Variants in FLYWCH1 observed in about 807,000 individuals in gnomAD.
The protein encoded by FLYWCH1 is FLYWCH-type zinc finger 1.
FLYWCH1 carries 75 observed loss-of-function variants against 66.4 expected under a neutral mutation model. That is an observed-to-expected ratio of 1.13 (90% CI 0.94 to 1.37). The LOEUF (loss-of-function observed/expected upper bound fraction) is 1.37, where lower values mean the gene tolerates loss of function less well. Ranked by LOEUF, FLYWCH1 falls within the 40% of genes most tolerant of loss-of-function variation. The probability of loss-of-function intolerance (pLI) is 0.00; values close to 1 mark genes in which losing one functional copy is unlikely to be tolerated. For synonymous variants in FLYWCH1, 595 were observed against 429.9 expected (o/e 1.38, Z -4.75); for missense variants, 1,334 against 1,001.8 (o/e 1.33, Z -4.48).
chr16:2,932,938 C>T (rs1330542886), intron 4 of FLYWCH1, among the ~76,000 whole-genome samples, 192 bp from the exon 5 acceptor site: 1 of 151,834 alleles, frequency 6.6e-6, no homozygotes, highest in Non-Finnish European at 1.5e-5. Flanking sequence ...TGAGACTCTC[C>T]TCCGGGTCGC....
At chr16:2,936,938 CGGACCCCAGCAGCTG>C (rs1338295095) in intron 6 of FLYWCH1, 168 bp from the exon 7 acceptor site, 1 of 800,078 alleles carries the variant, frequency 1.2e-6, no homozygotes, top group South Asian at 1.7e-5. Flanking sequence ...CCTCAGGAGG[CGGACCCCAGCAGCTG>C]GAGCCCCAGC....
In FLYWCH1 at chr16:2,938,372, C is replaced by A; in HGVS notation, c.1966C>A (p.His656Asn). ...QGHRIMVMRS[H>N]CHQPDLAGLE... ...CCACCGCATCATGGTCATGCGCAGC[C>A]ACTGCCATCAGCCTGACCTGGCAGG... The change falls in exon 8 of 10, where the codon CAC becomes AAC. Residue 656 changes from histidine (H) to asparagine (N), a missense_variant. By Grantham distance (68) the His-to-Asn change is moderately conservative. Transcript: ENST00000253928. The A allele has an allele frequency of 1.3e-6, 2 of 1,584,378 alleles. No individual in the cohort carries two copies. The highest frequency in any genetic ancestry group is 1.7e-6 in the Non-Finnish European group (2 of 1,163,870).
chr16:2,939,833 G>A (rs2071185963), intron 8 of FLYWCH1, 199 bp from the exon 9 acceptor site: 1 of 491,826 alleles, frequency 2.0e-6, no homozygotes, highest in Non-Finnish European at 3.5e-6. Context: ...GACAGCAGCT[G>A]AAGGTCAACT....
At chr16:2,942,749 C>T (rs1242869110) in intron 9 of FLYWCH1, among the ~76,000 whole-genome samples, 30 of 68,172 alleles carry the variant, frequency 4.4e-4, no homozygotes, top group East Asian at 4.2e-4. Context: ...TTTTTTGAGA[C>T]GGAGTCTCAC....
intron 4 of FLYWCH1, 78 bp from the exon 5 acceptor site, chr16:2,933,052 C>T (rs1000623650): frequency 1.2e-5 from 16 of 1,288,664 alleles, no homozygotes; most frequent in South Asian, 1.4e-5. Flanking sequence ...TCGTGTCAGC[C>T]CCCACAGTCT....
At chr16:2,929,299 C>T (rs191206859) in intron 2 of FLYWCH1, among the ~76,000 whole-genome samples, 86 of 152,244 alleles carry the variant, frequency 5.6e-4, no homozygotes, top group Admixed American at 1.4e-3. Flanking sequence ...ACTGGAAACG[C>T]GGGTGGAAAC....
chr16:2,935,676 C>G (rs910343953), intron 6 of FLYWCH1: 1 of 152,238 alleles, frequency 6.6e-6, no homozygotes, highest in South Asian at 2.1e-4. Context: ...AGAGCCTGCC[C>G]TTGAACGTCC....
chr16:2,949,435 C>T lies in FLYWCH1; in HGVS notation c.*708C>T, dbSNP rs563670063. 696 of 152,522 alleles carry T rather than the reference C, an allele frequency of 4.6e-3. 4 individuals are homozygous for T. Among genetic ancestry groups the T allele is most frequent in the Non-Finnish European group, 4.4e-3 (298 of 68,208 alleles). The allele number at this position is 152,522 out of a possible 1,614,324, so 9.4% of individuals were successfully genotyped here. A position where few individuals can be genotyped will look rare whatever the true frequency, so the allele number is the denominator to read the frequency against. ...GAGCCAGTCCAGGGGTCAGCAGGAGCCAGCGCTGGGCACACGTGCCCTGGC... is the reference window on the plus strand; with the variant it reads ...GAGCCAGTCCAGGGGTCAGCAGGAGTCAGCGCTGGGCACACGTGCCCTGGC... On this transcript the variant is annotated 3_prime_UTR_variant, in exon 10 of 10. Coordinates refer to ENST00000253928, the MANE Select transcript of FLYWCH1 (RefSeq NM_001308068.2).
chr16:2,921,970 G>A (rs1567323315), intron 2 of FLYWCH1, among the ~76,000 whole-genome samples: 1 of 152,170 alleles, frequency 6.6e-6, no homozygotes, highest in East Asian at 1.9e-4. Flanking sequence ...GGCTGAGGCG[G>A]GAGAATCACT....
Position 2,938,231 on chromosome 16 carries a change from T to A in FLYWCH1, c.1825T>A (p.Phe609Ile). Residue 609 changes from phenylalanine to isoleucine, a missense_variant, in exon 8 of 10, where the codon TTC becomes ATC. Transcript: ENST00000253928. ...CCTGAGGACTTCCCTGGGGGGCAGG[T>A]TCCTGGTGCACGAGTCCTTCCTCTA... ...EFLRTSLGGR[F>I]LVHESFLYRK... 1 of 1,613,076 alleles carries A rather than the reference T, an allele frequency of 6.2e-7. No homozygotes were observed. The highest frequency in any genetic ancestry group is 1.1e-5 in the South Asian group (1 of 91,008).
intron 7 of FLYWCH1, 51 bp from the exon 8 acceptor site, chr16:2,938,133 C>T (rs1014868781): frequency 5.7e-6 from 9 of 1,570,648 alleles, no homozygotes; most frequent in African/African-American, 1.4e-5. Flanking sequence ...ACCCCCAGCC[C>T]TGCCACCCAG....
chr16:2,941,995 CAAAAAAAAAAAAAA>C (rs748281347), intron 9 of FLYWCH1, among the ~76,000 whole-genome samples: 1 of 33,594 alleles, frequency 3.0e-5, no homozygotes, highest in Non-Finnish European at 6.8e-5. Flanking sequence ...AGACTCATCT[CAAAAAAAAAAAAAA>C]AAAAAAAAAA....
intron 5 of FLYWCH1, 54 bp downstream of exon 5, chr16:2,933,636 A>C: frequency 6.4e-7 from 1 of 1,558,970 alleles, no homozygotes; most frequent in Non-Finnish European, 8.7e-7. Context: ...TTGCCTCCAG[A>C]GGTCCAGGGA....
In FLYWCH1 at chr16:2,946,159, G is replaced by A. The variant is rs547933546; in HGVS notation, c.2112-2529G>A. 9.9e-5 allele frequency among the ~76,000 whole-genome samples: 15 copies of A among 152,176 alleles called. No individual in the cohort carries two copies. In the South Asian group the frequency reaches 3.1e-3, roughly 32 times the overall value. ...AGGTTAATTTATTACTGAAGAAAGT[G>A]TTTAAAAATGAGTGTAGCCTGAGTG... On this transcript the variant is annotated intron_variant, in intron 9 of 9. Coordinates refer to ENST00000253928, the MANE Select transcript of FLYWCH1 (RefSeq NM_001308068.2).
At chr16:2,942,486 A>C (rs2071308773) in intron 9 of FLYWCH1, among the ~76,000 whole-genome samples, 1 of 152,140 alleles carries the variant, frequency 6.6e-6, no homozygotes, top group African/African-American at 2.4e-5. Context: ...CCTGATATCA[A>C]AACCAAGCAA....
At chr16:2,921,952 A>T (rs770362940) in intron 2 of FLYWCH1, among the ~76,000 whole-genome samples, 2 of 151,998 alleles carry the variant, frequency 1.3e-5, no homozygotes, top group Non-Finnish European at 2.9e-5. Context: ...AGTCCCAGCT[A>T]CTCAGGAGGC....
In FLYWCH1 at chr16:2,930,669, G is replaced by C; in HGVS notation, c.585G>C (p.Leu195=). 1 of 1,545,424 alleles carries C rather than the reference G, an allele frequency of 6.5e-7. No individual in the cohort carries two copies. Among genetic ancestry groups the C allele is most frequent in the Middle Eastern group, 2.1e-4 (1 of 4,838 alleles). The change falls in exon 4 of 10, where the codon CTG becomes CTC. Residue 195 remains leucine, a synonymous_variant. Coordinates refer to ENST00000253928, the MANE Select transcript of FLYWCH1 (RefSeq NM_001308068.2). The part of the protein sequence containing the change: ...RQREKLPSLA[L]PEGLGEPQGP... ...GGGAGAAACTGCCCAGCCTGGCCCT[G>C]CCAGAGGGCTTGGGAGAGCCCCAGG...
rs181022007 is a variant in FLYWCH1 at position 2,933,610 on chromosome 16, G to A, written c.1249+28G>A. 1.9e-5 allele frequency: 30 copies of A among 1,567,364 alleles called. No individual in the cohort carries two copies. In the South Asian group the frequency reaches 1.9e-4, roughly 10 times the overall value. ...GAGCTGCCTTCCTTTGGGGCTCACC[G>A]GCCCTGCCTTGACTCTTGCCTCCAG... On this transcript the variant is annotated intron_variant, in intron 5 of 9. Transcript: ENST00000253928.
rs1242696216 is a variant in FLYWCH1, at chr16:2,949,885, C to T, written c.*1158C>T. ...GCCGCCGTGAAACCACACTCCGTCA[C>T]ATCTCCATGCCAGTGCCCAGGGGGA... On this transcript the variant is annotated 3_prime_UTR_variant, in exon 10 of 10. Coordinates refer to ENST00000253928, the MANE Select transcript of FLYWCH1 (RefSeq NM_001308068.2). 6.6e-6 allele frequency: 1 copy of T among 152,232 alleles called. No homozygotes were observed. 9.4% of individuals were successfully genotyped at this position (152,232 alleles called of 1,614,324 possible).
Sources: allele counts gnomAD v4.1 joint callset (sites outside exome capture counted in the v4.1 genomes callset), GRCh38; gene constraint gnomAD v4.1.1; transcripts MANE v1.5; gene names NCBI Gene and HGNC (gene_info 2026-07-23, HGNC 2026-07-21).